The following LOXL3 variants were observed in gnomAD, a reference collection of about 807,000 sequenced individuals.
LOXL3 encodes the protein lysyl oxidase homolog 3.
Under a neutral mutation model 91.8 loss-of-function variants are expected in LOXL3, and 60 were observed. That is an observed-to-expected ratio of 0.65 (90% confidence interval 0.53 to 0.81). LOXL3 has a LOEUF of 0.81. Ranked by LOEUF, LOXL3 falls within the 30% of genes least tolerant of loss-of-function variation. The pLI, the probability that LOXL3 is intolerant of heterozygous loss-of-function variation, is 0.00. For missense variants in LOXL3, 874 were observed against 1,000.4 expected, an observed-to-expected ratio of 0.87 and a Z score of 1.70; for synonymous variants, 355 against 387.6, an observed-to-expected ratio of 0.92 and a Z score of 0.99.
chr2:74,542,688 C>T (rs1391176587), intron 4 of LOXL3, among the ~76,000 whole-genome samples: 1 of 150,684 alleles, frequency 6.6e-6, no homozygotes, highest in African/African-American at 2.4e-5. Flanking sequence ...TGCAGTGGTG[C>T]AATCTTGGCT....
At position 74,549,211 on chromosome 2, in the gene LOXL3, T is replaced by G; in HGVS notation, c.692+158A>C. ...GCACCTTTCGTGGTCCCACAAGATT[T>G]CCCAACTCTCCAGCTTTGCAACGGC... On this transcript the variant is annotated intron_variant, in intron 4 of 13. Coordinates refer to ENST00000264094, the MANE Select transcript of LOXL3 (RefSeq NM_032603.5). This position sits in a 1 kb window ranked among gnomAD's most constrained non-coding sequence, Gnocchi z 5.3. The G allele has an allele frequency of 1.3e-6, 1 of 792,142 alleles. No homozygotes were observed. Among genetic ancestry groups the G allele is most frequent in the South Asian group, 2.2e-5 (1 of 44,606 alleles). 49.1% of individuals were successfully genotyped at this position (792,142 alleles called of 1,614,324 possible). A position where few individuals can be genotyped will look rare whatever the true frequency, so the allele number is the denominator to read the frequency against.
In LOXL3 at chr2:74,535,660, A is replaced by G. The variant is rs145143074; in HGVS notation, c.1344T>C (p.Asp448=). The G allele has an allele frequency of 6.2e-7, 1 of 1,613,396 alleles. No homozygotes were observed. The change falls in exon 8 of 14, where the codon GAT becomes GAC. Residue 448 remains aspartate, a synonymous_variant. Transcript: ENST00000264094. The surrounding 1 kb of genome is among the most constrained non-coding windows in gnomAD (Gnocchi z 4.2). ...CCATGGCCTCCAGGGTCCCCCAGTC[A>G]TCCCCACAGATGAGGCCCCAGCGAA... ...GPLRWGLICG[D]DWGTLEAMVA...
At chr2:74,546,780 G>A (rs1316763994) in intron 4 of LOXL3, among the ~76,000 whole-genome samples, 8 of 152,056 alleles carry the variant, frequency 5.3e-5, no homozygotes, top group Non-Finnish European at 8.8e-5. Flanking sequence ...GCAATGGCGC[G>A]ATCTCAGCTC....
At chr2:74,550,439 C>T (rs1676931447) in intron 2 of LOXL3, 91 bp from the exon 3 acceptor site, 1 of 1,352,496 alleles carries the variant, frequency 7.4e-7, no homozygotes, top group South Asian at 1.3e-5. Flanking sequence ...GCTGAGGCCT[C>T]CCACTTGGCC....
intron 4 of LOXL3, among the ~76,000 whole-genome samples, chr2:74,540,020 T>C (rs1367827165): frequency 6.6e-6 from 1 of 152,224 alleles, no homozygotes; most frequent in Non-Finnish European, 1.5e-5. Context: ...TTCTTTTTTT[T>C]GTATTTTTAG....
In LOXL3 at chr2:74,535,649, G is replaced by A. The variant is rs767139916; in HGVS notation, c.1355C>T (p.Thr452Ile). Reference sequence around the variant, plus strand: ...CCTACAGGCCACCATGGCCTCCAGGGTCCCCCAGTCATCCCCACAGATGAG... The same window carrying A: ...CCTACAGGCCACCATGGCCTCCAGGATCCCCCAGTCATCCCCACAGATGAG... Reference protein sequence around the residue: ...WGLICGDDWGTLEAMVACRQL... With the variant: ...WGLICGDDWGILEAMVACRQL... Residue 452 changes from threonine to isoleucine, a missense_variant, in exon 8 of 14, where the codon ACC (threonine) becomes ATC (isoleucine). Coordinates refer to ENST00000264094, the MANE Select transcript of LOXL3 (RefSeq NM_032603.5). The surrounding 1 kb of genome is among the most constrained non-coding windows in gnomAD (Gnocchi z 4.2). 9.9e-6 allele frequency: 16 copies of A among 1,613,832 alleles called. No individual in the cohort carries two copies. The highest frequency in any genetic ancestry group is 1.4e-5 in the Non-Finnish European group (16 of 1,179,976).
upstream of LOXL3, chr2:74,555,387 C>T (rs1210550765): frequency 1.9e-6 from 3 of 1,612,596 alleles, no homozygotes; most frequent in Non-Finnish European, 2.5e-6. The surrounding 1 kb of genome is among the most constrained non-coding windows in gnomAD (Gnocchi z 6.1). Context: ...AGCGCTCGCA[C>T]CTGCTGGCGG....
At chr2:74,540,330 G>C (rs1221244577) in intron 4 of LOXL3, among the ~76,000 whole-genome samples, 1 of 152,198 alleles carries the variant, frequency 6.6e-6, no homozygotes, top group Non-Finnish European at 1.5e-5. Flanking sequence ...GAGGGCTAAG[G>C]GGAGCATCGT....
Position 74,533,617 on chromosome 2 carries a change from G to T in LOXL3, c.2251C>A (p.Gln751Lys), listed in dbSNP as rs768102119. 8.7e-6 allele frequency: 14 copies of T among 1,613,914 alleles called. No individual in the cohort carries two copies. The Admixed American group carries it at 2.3e-4, about 27-fold the overall frequency. Reference sequence around the variant, plus strand: ...GAGGGCAGTGGCACTTAGATAATCTGGTTGCTGGTCTGGCCAGGGTAGCGT... The same window carrying T: ...GAGGGCAGTGGCACTTAGATAATCTTGTTGCTGGTCTGGCCAGGGTAGCGT... Reference protein sequence around the residue: ...FERYPGQTSNQII With the variant: ...FERYPGQTSNKII Residue 751 changes from glutamine (Q) to lysine (K), a missense_variant, in exon 14 of 14, where the codon CAG (glutamine) becomes AAG (lysine). Transcript: ENST00000264094.
At position 74,536,071 on chromosome 2, in the gene LOXL3, G is replaced by C. The variant is rs1357367352; in HGVS notation, c.1173C>G (p.Ile391Met). The C allele has an allele frequency of 8.1e-6, 13 of 1,613,088 alleles. No individual in the cohort carries two copies. In the Admixed American group the frequency reaches 2.0e-4, roughly 25 times the overall value. ...LSLWKCPHKN[I>M]TAEDCSHSQD... ...GGCTATGTGAACAATCCTCAGCTGTGATGTTCTTGTGGGGGCACTTCCAGA... is the reference window on the plus strand; with the variant it reads ...GGCTATGTGAACAATCCTCAGCTGTCATGTTCTTGTGGGGGCACTTCCAGA... The change falls in exon 7 of 14, where the codon ATC becomes ATG. Residue 391 changes from isoleucine to methionine, a missense_variant. Transcript: ENST00000264094. The surrounding 1 kb of genome is among the most constrained non-coding windows in gnomAD (Gnocchi z 4.5).
chr2:74,553,977 T>C (rs1677200415), upstream of LOXL3: 1 of 148,432 alleles, frequency 6.7e-6, no homozygotes, highest in Non-Finnish European at 1.5e-5. Flanking sequence ...CAGGGGAGAC[T>C]GGACCCCCCT....
intron 10 of LOXL3, 41 bp from the exon 11 acceptor site, chr2:74,534,472 A>G (rs1675867641): frequency 1.2e-6 from 2 of 1,613,714 alleles, no homozygotes; most frequent in Non-Finnish European, 1.7e-6. Flanking sequence ...CTCTGCCCCC[A>G]GAAGGTTTGC....
Position 74,549,143 on chromosome 2 carries a change from G to C in LOXL3, c.692+226C>G, listed in dbSNP as rs1676817535. The C allele has an allele frequency of 4.7e-6, 2 of 427,376 alleles. No individual in the cohort carries two copies. Among genetic ancestry groups the C allele is most frequent in the Non-Finnish European group, 8.0e-6 (2 of 249,604 alleles). The allele number at this position is 427,376 out of a possible 1,614,324, so 26.5% of individuals were successfully genotyped here. ...GCCCGCCCAGGCGTCGGCCACGAGA[G>C]AGCGGGAGCCTCGCTGGTCCCCATT... is the stretch of plus-strand genomic sequence containing the variant. On this transcript the variant is annotated intron_variant, in intron 4 of 13. Coordinates refer to ENST00000264094, the MANE Select transcript of LOXL3 (RefSeq NM_032603.5). This position sits in a 1 kb window ranked among gnomAD's most constrained non-coding sequence, Gnocchi z 5.3.
rs141075927 is a variant in LOXL3 at position 74,550,257 on chromosome 2, C to G, written c.405G>C (p.Thr135=). The change falls in exon 3 of 14, where the codon ACG becomes ACC. Residue 135 remains threonine, a synonymous_variant. Transcript: ENST00000264094. ...ASRGWGNSDC[T]HDEDAGVICK... is the part of the protein sequence containing the mutation. Reference sequence around the variant, plus strand: ...AGATGACCCCAGCATCCTCATCGTGCGTACAGTCACTGTTCCCCCAGCCCC... The same window carrying G: ...AGATGACCCCAGCATCCTCATCGTGGGTACAGTCACTGTTCCCCCAGCCCC... 2.5e-6 allele frequency: 4 copies of G among 1,614,196 alleles called. No homozygotes were observed. The highest frequency in any genetic ancestry group is 1.7e-6 in the Non-Finnish European group (2 of 1,180,036).
chr2:74,550,281 C>G lies in LOXL3; in HGVS notation c.381G>C (p.Arg127=). 2 of 1,614,178 alleles carry G rather than the reference C, an allele frequency of 1.2e-6. No individual in the cohort carries two copies. The highest frequency in any genetic ancestry group is 8.5e-7 in the Non-Finnish European group (1 of 1,180,008). Residue 127 remains arginine (R), a synonymous_variant, in exon 3 of 14, where the codon CGG becomes CGC. Coordinates refer to ENST00000264094, the MANE Select transcript of LOXL3 (RefSeq NM_032603.5). The stretch of plus-strand genomic sequence containing the variant: ...GCGTACAGTCACTGTTCCCCCAGCC[C>G]CGGGAGGCACATTCAGTCACACTCT... The part of the protein sequence containing the change: ...TEQSVTECAS[R]GWGNSDCTHD...
intron 4 of LOXL3, among the ~76,000 whole-genome samples, chr2:74,537,159 A>C (rs1263101630): frequency 2.0e-5 from 3 of 152,208 alleles, no homozygotes; most frequent in Non-Finnish European, 4.4e-5. Flanking sequence ...GACCTCCTGC[A>C]GTAGAACAAC....
chr2:74,540,012 C>CT (rs1395291043), intron 4 of LOXL3, among the ~76,000 whole-genome samples: 10 of 152,072 alleles, frequency 6.6e-5, no homozygotes, highest in South Asian at 2.1e-4. Flanking sequence ...TTTCTTTTTT[C>CT]TTTTTTTTGT....
Position 74,550,314 on chromosome 2 carries a change from C to T in LOXL3, c.348G>A (p.Gly116=), listed in dbSNP as rs1284834257. The change falls in exon 3 of 14, where the codon GGG becomes GGA. Residue 116 remains glycine (G), a synonymous_variant. Coordinates refer to ENST00000264094, the MANE Select transcript of LOXL3 (RefSeq NM_032603.5). ...RIWLDNLSCS[G]TEQSVTECAS... is the part of the protein sequence containing the mutation. ...CACATTCAGTCACACTCTGCTCGGT[C>T]CCACTGCAGCTCAAGTTGTCCAGCC... The T allele has an allele frequency of 6.2e-7, 1 of 1,613,916 alleles. No individual in the cohort carries two copies. Among genetic ancestry groups the T allele is most frequent in the Non-Finnish European group, 8.5e-7 (1 of 1,179,956 alleles).
chr2:74,551,758 C>G (rs1021374095), intron 2 of LOXL3, among the ~76,000 whole-genome samples: 4 of 152,296 alleles, frequency 2.6e-5, no homozygotes, highest in Non-Finnish European at 4.4e-5. Flanking sequence ...ATCATTCCCA[C>G]TGTGGGTTCA....
Sources: allele counts gnomAD v4.1 joint callset (sites outside exome capture counted in the v4.1 genomes callset), GRCh38; gene constraint gnomAD v4.1.1; non-coding constraint Gnocchi (gnomAD v3.1); transcripts MANE v1.5; gene names NCBI Gene and HGNC (gene_info 2026-07-23, HGNC 2026-07-21).